Variants in FARP1 observed in about 807,000 individuals in gnomAD.
FARP1 encodes the protein FERM, ARH/RhoGEF and pleckstrin domain protein 1.
Under a neutral mutation model 128.8 loss-of-function variants are expected in FARP1, and 52 were observed. The ratio of observed to expected loss-of-function variants is 0.40; its 90% CI spans 0.32 to 0.51. FARP1 has a LOEUF of 0.51. FARP1 is among the 20% of genes least tolerant of loss of function. The pLI is 0.45. For missense variants in FARP1, 1,333 were observed against 1,367.9 expected, an observed-to-expected ratio of 0.97 and a Z score of 0.40; for synonymous variants, 580 against 551.8, an observed-to-expected ratio of 1.05 and a Z score of -0.72.
chr13:98,149,424 A>G (rs1350937102), intron 1 of FARP1, among the ~76,000 whole-genome samples: 1 of 152,268 alleles, frequency 6.6e-6, no homozygotes, highest in Middle Eastern at 3.4e-3. Context: ...ACATTTGTGA[A>G]CAAATCTTTG....
chr13:98,434,100 A>T (rs1892154132), intron 18 of FARP1: 1 of 152,212 alleles, frequency 6.6e-6, no homozygotes, highest in Non-Finnish European at 1.5e-5. Context: ...TGAGGAAGAG[A>T]GTGCTAGCTA....
chr13:98,166,815 C>G (rs1413996672), intron 1 of FARP1, among the ~76,000 whole-genome samples: 1 of 151,810 alleles, frequency 6.6e-6, no homozygotes, highest in Admixed American at 6.6e-5. Context: ...CTTGACCTCC[C>G]TGGGCTCAAG....
intron 10 of FARP1, 84 bp downstream of exon 10, chr13:98,390,204 C>A: frequency 1.4e-6 from 2 of 1,449,164 alleles, no homozygotes; most frequent in South Asian, 2.6e-5. Context: ...CACAGCAGGT[C>A]AGGGAGGTGA....
At chr13:98,212,702 ACT>A (rs933895142) in intron 1 of FARP1, among the ~76,000 whole-genome samples, 5 of 151,794 alleles carry the variant, frequency 3.3e-5, no homozygotes, top group African/African-American at 1.2e-4. Context: ...AAATGACCCT[ACT>A]CTCTGTTGCC....
chr13:98,166,089 C>T (rs1488142617), intron 1 of FARP1, among the ~76,000 whole-genome samples: 1 of 152,158 alleles, frequency 6.6e-6, no homozygotes, highest in African/African-American at 2.4e-5. Context: ...TGTGCTTGTT[C>T]TCTTCAGTTT....
At chr13:98,302,754 G>C (rs1885975879) in intron 2 of FARP1, among the ~76,000 whole-genome samples, 1 of 152,210 alleles carries the variant, frequency 6.6e-6, no homozygotes, top group African/African-American at 2.4e-5. Context: ...GAGGTAGCAT[G>C]GTTGATATTG....
At chr13:98,236,577 A>C (rs1228836615) in intron 2 of FARP1, among the ~76,000 whole-genome samples, 1 of 152,138 alleles carries the variant, frequency 6.6e-6, no homozygotes, top group Non-Finnish European at 1.5e-5. Context: ...AAACAGATGA[A>C]CCTCATAGCC....
intron 2 of FARP1, chr13:98,244,858 A>G: frequency 6.9e-7 from 1 of 1,447,840 alleles, no homozygotes; most frequent in Non-Finnish European, 9.0e-7. Context: ...GTGATCTCAG[A>G]TACGTGAAGC....
chr13:98,343,623 G>T (rs1888060795), intron 2 of FARP1, 139 bp from the exon 3 acceptor site: 2 of 664,710 alleles, frequency 3.0e-6, no homozygotes, highest in South Asian at 3.5e-5. Context: ...CTGGCGTTCA[G>T]GGTGTCACGG....
chr13:98,393,550 C>G (rs1471827886), intron 11 of FARP1, 93 bp from the exon 12 acceptor site: 16 of 942,808 alleles, frequency 1.7e-5, no homozygotes, highest in Admixed American at 7.9e-5. Flanking sequence ...GGCACTAATA[C>G]GTCCAACAAA....
intron 2 of FARP1, among the ~76,000 whole-genome samples, chr13:98,274,922 GGT>G (rs1884564218): frequency 6.6e-6 from 1 of 152,112 alleles, no homozygotes; most frequent in Admixed American, 6.6e-5. Context: ...TTTTAATTTA[GGT>G]CAGATAATAG....
intron 13 of FARP1, chr13:98,401,770 G>C (rs1367309527): frequency 2.0e-5 from 3 of 151,148 alleles, no homozygotes; most frequent in African/African-American, 7.3e-5. Context: ...GCAATTAAAC[G>C]TCTTGGTAGA....
Position 98,176,968 on chromosome 13 carries a change from A to G in FARP1, c.-24+33476A>G. The G allele has an allele frequency of 6.2e-7, 1 of 1,600,240 alleles. No individual in the cohort carries two copies. ...GCGGGTGGACCTGTACACCACGTCG[A>G]GGCTCTCAGGCGCCGCCTCCTCGCC... On this transcript the variant is annotated intron_variant, in intron 1 of 26. Transcript: ENST00000319562. The surrounding 1 kb of genome is among the most constrained non-coding windows in gnomAD (Gnocchi z 6.2).
rs551078070 is a variant in FARP1, at chr13:98,146,507, C to T, written c.-24+3015C>T. ...CCTCTCAAAGTGCTGGGATTACAGG[C>T]GTGAGTCACAGAGCCTGGCCTTGCC... On this transcript the variant is annotated intron_variant, in intron 1 of 26. Transcript: ENST00000319562. 2.6e-5 allele frequency among the ~76,000 whole-genome samples: 4 copies of T among 152,296 alleles called. No homozygotes were observed. The East Asian group carries it at 5.8e-4, about 22-fold the overall frequency.
At chr13:98,299,699 A>C (rs1885844223) in intron 2 of FARP1, among the ~76,000 whole-genome samples, 1 of 152,226 alleles carries the variant, frequency 6.6e-6, no homozygotes, top group Admixed American at 6.5e-5. Flanking sequence ...AGGAAGATGT[A>C]ATTCTTTAAT....
chr13:98,231,487 G>T (rs776025672), intron 2 of FARP1, among the ~76,000 whole-genome samples: 1 of 151,948 alleles, frequency 6.6e-6, no homozygotes, highest in Non-Finnish European at 1.5e-5. Flanking sequence ...GCCCAAGCTG[G>T]AGTGCAGTGG....
At chr13:98,266,334 T>A (rs1884114104) in intron 2 of FARP1, among the ~76,000 whole-genome samples, 1 of 152,210 alleles carries the variant, frequency 6.6e-6, no homozygotes. Context: ...TCAGTCCCAG[T>A]TCGGCCACAT....
rs1566702072 is a variant in FARP1, at chr13:98,176,769, GT to G, written c.-24+33278del. On this transcript the variant is annotated intron_variant, in intron 1 of 26. Transcript: ENST00000319562. This position sits in a 1 kb window ranked among gnomAD's most constrained non-coding sequence, Gnocchi z 6.2. Reference sequence around the variant, plus strand: ...CCATGGACGTGTCCTTGGGCTTCAGGTACCTCAGGTAGCTGTGGATTCCCCG... The same window carrying G: ...CCATGGACGTGTCCTTGGGCTTCAGGACCTCAGGTAGCTGTGGATTCCCCG... 6.2e-7 allele frequency: 1 copy of G among 1,613,808 alleles called. No individual in the cohort carries two copies. Among genetic ancestry groups the G allele is most frequent in the African/African-American group, 1.3e-5 (1 of 74,886 alleles).
intron 4 of FARP1, among the ~76,000 whole-genome samples, chr13:98,366,451 A>G (rs1838092019): frequency 2.6e-5 from 4 of 152,192 alleles, no homozygotes; most frequent in Admixed American, 2.0e-4. Context: ...GGGCGAAGAG[A>G]AGCCCCCCAG....
Sources: allele counts gnomAD v4.1 joint callset (sites outside exome capture counted in the v4.1 genomes callset), GRCh38; gene constraint gnomAD v4.1.1; non-coding constraint Gnocchi (gnomAD v3.1); transcripts MANE v1.5; gene names NCBI Gene and HGNC (gene_info 2026-07-23, HGNC 2026-07-21).